RBM17: variants seen among roughly 807,000 people sequenced by gnomAD.
RBM17 encodes the protein RNA binding motif protein 17, also known as splicing factor 45.
Under a neutral mutation model 53.2 loss-of-function variants are expected in RBM17, and 7 were observed. The ratio of observed to expected loss-of-function variants is 0.13; its 90% CI spans 0.07 to 0.25. The LOEUF (loss-of-function observed/expected upper bound fraction) is 0.25, where lower values mean the gene tolerates loss of function less well. Ranked by LOEUF, RBM17 falls within the 10% of genes least tolerant of loss-of-function variation. The pLI, the probability that RBM17 is intolerant of heterozygous loss-of-function variation, is 1.00. For synonymous variants in RBM17, 167 were observed against 178.1 expected, an observed-to-expected ratio of 0.94 and a Z score of 0.50; for missense variants, 257 against 496.7, an observed-to-expected ratio of 0.52 and a Z score of 4.59.
At chr10:6,092,340 C>A (rs912779615) in intron 1 of RBM17, among the ~76,000 whole-genome samples, 2 of 152,168 alleles carry the variant, frequency 1.3e-5, no homozygotes, top group Admixed American at 6.5e-5. Flanking sequence ...GTACTTATTA[C>A]ATTTCAGTAG....
rs1415491612 is a variant in RBM17 at position 6,117,225 on chromosome 10, G to GAGGA, written c.*1670_*1673dup. 3 of 152,328 alleles carry GAGGA rather than the reference G, an allele frequency of 2.0e-5. No individual in the cohort carries two copies. Among genetic ancestry groups the GAGGA allele is most frequent in the African/African-American group, 4.8e-5 (2 of 41,436 alleles). The allele number at this position is 152,328 out of a possible 1,614,324, so 9.4% of individuals were successfully genotyped here. A position where few individuals can be genotyped will look rare whatever the true frequency, so the allele number is the denominator to read the frequency against. On this transcript the variant is annotated 3_prime_UTR_variant, in exon 12 of 12. Coordinates refer to ENST00000379888, the MANE Select transcript of RBM17 (RefSeq NM_032905.5). Reference sequence around the variant, plus strand: ...CATACTACTTGATTTCCGTTCGCATGAGGACAGCTTGGTGTGTGCCTTTCT... The same window carrying GAGGA: ...CATACTACTTGATTTCCGTTCGCATGAGGAAGGACAGCTTGGTGTGTGCCTTTCT...
At chr10:6,096,731 A>G (rs1840582262) in intron 1 of RBM17, among the ~76,000 whole-genome samples, 1 of 152,224 alleles carries the variant, frequency 6.6e-6, no homozygotes. Context: ...TTTTTTAAAA[A>G]TTGGATATAT....
At chr10:6,106,506 T>C in intron 5 of RBM17, 1 of 348,808 alleles carries the variant, frequency 2.9e-6, no homozygotes, top group Non-Finnish European at 5.5e-6. Context: ...CTGCACTGTC[T>C]TTACCTGCAG....
At chr10:6,090,596 GT>G (rs377750657) in intron 1 of RBM17, among the ~76,000 whole-genome samples, 23 of 152,236 alleles carry the variant, frequency 1.5e-4, no homozygotes, top group Admixed American at 4.6e-4. Flanking sequence ...TACCTGGTTT[GT>G]TTTAACTTAC....
intron 2 of RBM17, among the ~76,000 whole-genome samples, chr10:6,100,006 C>T (rs1483147922): frequency 1.3e-5 from 2 of 151,734 alleles, no homozygotes; most frequent in African/African-American, 4.8e-5. Context: ...TGCAGTGAGC[C>T]GAGATCGAAC....
chr10:6,107,479 CTTTTTTTTTT>C (rs71390124), intron 5 of RBM17, among the ~76,000 whole-genome samples: 2 of 56,600 alleles, frequency 3.5e-5, no homozygotes, highest in South Asian at 8.0e-4. Flanking sequence ...CACCCGGCCT[CTTTTTTTTTT>C]TTTTTTTTTT....
intron 1 of RBM17, among the ~76,000 whole-genome samples, chr10:6,092,382 T>C (rs1040008184): frequency 3.3e-5 from 5 of 152,232 alleles, no homozygotes; most frequent in African/African-American, 9.6e-5. Flanking sequence ...AACAAACTAT[T>C]GTATATTAAA....
chr10:6,091,508 G>T lies in RBM17; in HGVS notation c.-19+2315G>T, dbSNP rs569033555. Among the ~76,000 whole-genome samples the T allele has an allele frequency of 4.6e-5, 7 of 152,246 alleles. No homozygotes were observed. The South Asian group carries it at 1.5e-3, about 32-fold the overall frequency. On this transcript the variant is annotated intron_variant, in intron 1 of 11. Coordinates refer to ENST00000379888, the MANE Select transcript of RBM17 (RefSeq NM_032905.5). ...ACTCGTTATTGGTTGTGTGGTGGTGGTAGTTTTTTTCTCCTTAATTATGGT... is the reference window on the plus strand; with the variant it reads ...ACTCGTTATTGGTTGTGTGGTGGTGTTAGTTTTTTTCTCCTTAATTATGGT...
rs1201241716 is a variant in RBM17 at position 6,117,163 on chromosome 10, A to C, written c.*1607A>C. On this transcript the variant is annotated 3_prime_UTR_variant, in exon 12 of 12. Transcript: ENST00000379888. ...ACCTAAATGGGTGGCTTTTCCTAAC[A>C]TTCTCATGGTCAGCAACCAGAGAGT... The C allele has an allele frequency of 6.6e-6, 1 of 152,338 alleles. No individual in the cohort carries two copies. Among genetic ancestry groups the C allele is most frequent in the African/African-American group, 2.4e-5 (1 of 41,436 alleles). The allele number at this position is 152,338 out of a possible 1,614,324, so 9.4% of individuals were successfully genotyped here.
chr10:6,117,209 T>A lies in RBM17; in HGVS notation c.*1653T>A, dbSNP rs954555906. 1.1e-4 allele frequency: 16 copies of A among 152,160 alleles called. No individual in the cohort carries two copies. The highest frequency in any genetic ancestry group is 3.4e-4 in the African/African-American group (14 of 41,258). The allele number at this position is 152,160 out of a possible 1,614,324, so 9.4% of individuals were successfully genotyped here. ...AGAGTTGCAACCAACTCATACTACT[T>A]GATTTCCGTTCGCATGAGGACAGCT... On this transcript the variant is annotated 3_prime_UTR_variant, in exon 12 of 12. Transcript: ENST00000379888.
At chr10:6,109,469 G>A (rs769571190) in intron 6 of RBM17, among the ~76,000 whole-genome samples, 1 of 152,156 alleles carries the variant, frequency 6.6e-6, no homozygotes, top group Non-Finnish European at 1.5e-5. Flanking sequence ...CTGGGAGTGG[G>A]GCTCAGGCAT....
At chr10:6,108,176 G>A (rs1244248352) in intron 5 of RBM17, among the ~76,000 whole-genome samples, 2 of 152,212 alleles carry the variant, frequency 1.3e-5, no homozygotes, top group Admixed American at 6.5e-5. Context: ...GGAGCGTGCT[G>A]TGTGGTGGGG....
intron 5 of RBM17, 93 bp from the exon 6 acceptor site, chr10:6,108,593 A>G: frequency 1.1e-6 from 1 of 931,532 alleles, no homozygotes; most frequent in Non-Finnish European, 1.6e-6. Flanking sequence ...GTTTTTTCTT[A>G]GGGGGGTGGG....
Position 6,101,349 on chromosome 10 carries a change from A to C in RBM17, c.202A>C (p.Ile68Leu). The C allele has an allele frequency of 6.2e-7, 1 of 1,613,668 alleles. No homozygotes were observed. The highest frequency in any genetic ancestry group is 8.5e-7 in the Non-Finnish European group (1 of 1,179,888). The stretch of plus-strand genomic sequence containing the variant: ...AGGTGGCTCCTCAGATGACCGGCAA[A>C]TTGTGGACACTCCACCGCATGTAGC... ...KRGGSSDDRQ[I>L]VDTPPHVAAG... The change falls in exon 3 of 12, where the codon ATT (isoleucine) becomes CTT (leucine). Residue 68 changes from isoleucine to leucine, a missense_variant. Ile to Leu is a conservative substitution (Grantham distance 5). This residue lies in a region of RBM17 where 127 missense variants were observed against 217.2 expected (regional missense o/e 0.58). Transcript: ENST00000379888.
chr10:6,113,223 C>A, intron 8 of RBM17: 1 of 284,658 alleles, frequency 3.5e-6, no homozygotes, highest in Non-Finnish European at 6.7e-6. Context: ...CTCACATGCC[C>A]TGTCAGCCCT....
At chr10:6,110,251 CGGTACCT>C in intron 7 of RBM17, 124 bp downstream of exon 7, 2 of 716,308 alleles carry the variant, frequency 2.8e-6, no homozygotes, top group Non-Finnish European at 4.2e-6. Context: ...GCAGGTCACA[CGGTACCT>C]GCCTCAATCG....
At chr10:6,091,954 C>G (rs566359482) in intron 1 of RBM17, among the ~76,000 whole-genome samples, 1 of 152,230 alleles carries the variant, frequency 6.6e-6, no homozygotes, top group East Asian at 1.9e-4. Context: ...CTTCCATGTT[C>G]TTTTTCCTGC....
Position 6,110,016 on chromosome 10 carries a change from C to T in RBM17, c.593C>T (p.Ser198Leu), listed in dbSNP as rs947729942. The part of the protein sequence containing the change: ...LPRDFPYEED[S>L]RPRSQSSKAA... The stretch of plus-strand genomic sequence containing the variant: ...CGAGATTTTCCTTATGAAGAGGACT[C>T]AAGACCTCGATCACAGTCTTCCAAA... Residue 198 changes from serine to leucine, a missense_variant, in exon 7 of 12, where the codon TCA becomes TTA. Transcript: ENST00000379888. 3.1e-6 allele frequency: 5 copies of T among 1,612,556 alleles called. No individual in the cohort carries two copies. Among genetic ancestry groups the T allele is most frequent in the Non-Finnish European group, 3.4e-6 (4 of 1,179,086 alleles).
intron 5 of RBM17, among the ~76,000 whole-genome samples, chr10:6,107,479 C>CTTTTTTTTTTTTTTTTTTTTTT (rs71390124): frequency 1.8e-5 from 1 of 56,586 alleles, no homozygotes; most frequent in African/African-American, 6.7e-5. Flanking sequence ...CACCCGGCCT[C>CTTTTTTTTTTTTTTTTTTTTTT]TTTTTTTTTT....
Sources: allele counts gnomAD v4.1 joint callset (sites outside exome capture counted in the v4.1 genomes callset), GRCh38; gene constraint gnomAD v4.1.1; regional missense constraint gnomAD v4.1.1; transcripts MANE v1.5; gene names NCBI Gene and HGNC (gene_info 2026-07-23, HGNC 2026-07-21).